GRID1: variants seen among roughly 807,000 people sequenced by gnomAD.
GRID1 encodes the protein glutamate ionotropic receptor delta type subunit 1, also known as glutamate receptor ionotropic, delta-1.
A neutral mutation model predicts 98.0 loss-of-function variants in GRID1; 28 were observed. The observed-to-expected ratio is 0.29, with a 90% confidence interval of 0.21 to 0.39. GRID1 has a LOEUF of 0.39. GRID1 is among the 10% of genes least tolerant of loss of function. The probability of loss-of-function intolerance (pLI) is 1.00; values close to 1 mark genes in which losing one functional copy is unlikely to be tolerated. For missense variants in GRID1, 1,111 were observed against 1,340.5 expected (o/e 0.83, Z 2.67); for synonymous variants, 553 against 538.5 (o/e 1.03, Z -0.37).
intron 4 of GRID1, among the ~76,000 whole-genome samples, chr10:86,118,052 C>G (rs745446810): frequency 1.2e-4 from 19 of 152,056 alleles, no homozygotes; most frequent in Non-Finnish European, 2.2e-4. Flanking sequence ...TGGAACCAGC[C>G]CAAATGCCCA....
intron 2 of GRID1, among the ~76,000 whole-genome samples, chr10:86,258,900 T>C (rs1484338079): frequency 6.6e-6 from 1 of 152,232 alleles, no homozygotes; most frequent in Non-Finnish European, 1.5e-5. Context: ...AAACTGATCA[T>C]AGCTGATCAT....
chr10:86,252,685 A>G (rs1025915863), intron 2 of GRID1, among the ~76,000 whole-genome samples: 1 of 152,188 alleles, frequency 6.6e-6, no homozygotes, highest in African/African-American at 2.4e-5. Context: ...AAGTGACACC[A>G]TCTGATGCCT....
intron 4 of GRID1, among the ~76,000 whole-genome samples, chr10:86,009,275 A>G (rs1842899109): frequency 6.6e-6 from 1 of 152,150 alleles, no homozygotes; most frequent in South Asian, 2.1e-4. Flanking sequence ...CCCTCTTGAC[A>G]TTTCTCAACT....
intron 8 of GRID1, among the ~76,000 whole-genome samples, chr10:85,775,244 C>T (rs1049184326): frequency 2.7e-5 from 4 of 147,754 alleles, no homozygotes; most frequent in African/African-American, 1.0e-4. Context: ...CCAAACACCA[C>T]ATATTCTCAC....
At chr10:85,840,529 A>G (rs1842952204) in intron 8 of GRID1, among the ~76,000 whole-genome samples, 1 of 152,152 alleles carries the variant, frequency 6.6e-6, no homozygotes, top group African/African-American at 2.4e-5. Flanking sequence ...TCCAAATAGG[A>G]GGAGGAGAAG....
At chr10:85,957,188 A>T (rs1403121808) in intron 4 of GRID1, among the ~76,000 whole-genome samples, 1 of 152,186 alleles carries the variant, frequency 6.6e-6, no homozygotes, top group Non-Finnish European at 1.5e-5. Flanking sequence ...TTCGGATTAC[A>T]ATTCAAGATG....
chr10:85,971,679 A>G (rs1238504290), intron 4 of GRID1, among the ~76,000 whole-genome samples: 1 of 152,172 alleles, frequency 6.6e-6, no homozygotes, highest in African/African-American at 2.4e-5. Flanking sequence ...TGAAATTAAA[A>G]AGACTACCAA....
intron 4 of GRID1, among the ~76,000 whole-genome samples, chr10:85,918,477 G>C (rs1841651647): frequency 6.6e-6 from 1 of 152,184 alleles, no homozygotes; most frequent in Non-Finnish European, 1.5e-5. Context: ...TGTGGGAGGA[G>C]TTTGTTCCAC....
intron 12 of GRID1, among the ~76,000 whole-genome samples, chr10:85,664,543 T>C (rs567381658): frequency 1.3e-5 from 2 of 152,302 alleles, no homozygotes; most frequent in African/African-American, 4.8e-5. Flanking sequence ...GAGGAAGCAT[T>C]GTCAACGTAC....
intron 4 of GRID1, among the ~76,000 whole-genome samples, chr10:86,009,342 T>C (rs1397490744): frequency 3.9e-5 from 6 of 152,162 alleles, no homozygotes; most frequent in Non-Finnish European, 8.8e-5. Flanking sequence ...AATTGGGATT[T>C]AAATGGCAGA....
chr10:86,283,528 GAC>G (rs367710953), intron 2 of GRID1, among the ~76,000 whole-genome samples: 5 of 148,382 alleles, frequency 3.4e-5, no homozygotes, highest in East Asian at 2.0e-4. Flanking sequence ...TTGCCCACAT[GAC>G]ACACACACAC....
chr10:86,066,793 C>T (rs1039365325), intron 4 of GRID1, among the ~76,000 whole-genome samples: 1 of 152,244 alleles, frequency 6.6e-6, no homozygotes, highest in African/African-American at 2.4e-5. Context: ...ACCTCCTCCC[C>T]TTTAAGGAAA....
intron 8 of GRID1, among the ~76,000 whole-genome samples, chr10:85,778,418 A>G (rs1842351801): frequency 6.6e-6 from 1 of 152,182 alleles, no homozygotes; most frequent in Admixed American, 6.5e-5. Flanking sequence ...CTCCAGGGCT[A>G]GGTTGTCAGG....
chr10:85,822,529 C>A (rs1281084775), intron 8 of GRID1, among the ~76,000 whole-genome samples: 1 of 152,140 alleles, frequency 6.6e-6, no homozygotes, highest in Non-Finnish European at 1.5e-5. Context: ...ATTAAAAAGT[C>A]AGGAAACAAC....
intron 8 of GRID1, among the ~76,000 whole-genome samples, chr10:85,772,491 A>C (rs1017056462): frequency 3.3e-5 from 5 of 151,860 alleles, no homozygotes; most frequent in Admixed American, 6.6e-5. Flanking sequence ...ACTGAAGGAA[A>C]TAGAGACACA....
At chr10:86,130,490 G>C (rs1190378357) in intron 4 of GRID1, among the ~76,000 whole-genome samples, 1 of 152,248 alleles carries the variant, frequency 6.6e-6, no homozygotes, top group Non-Finnish European at 1.5e-5. Flanking sequence ...CAGAAGGGCA[G>C]AGGAACAGAA....
chr10:86,188,099 G>C (rs1418488385), intron 3 of GRID1, among the ~76,000 whole-genome samples: 1 of 152,246 alleles, frequency 6.6e-6, no homozygotes, highest in Non-Finnish European at 1.5e-5. Flanking sequence ...CACACATGGT[G>C]AAGTGAATAG....
intron 4 of GRID1, among the ~76,000 whole-genome samples, chr10:86,075,754 C>T (rs1017523380): frequency 1.6e-4 from 24 of 152,204 alleles, no homozygotes; most frequent in African/African-American, 4.6e-4. Flanking sequence ...TCAGAGAACA[C>T]GCAGAGGACC....
chr10:86,224,223 G>T (rs1846305630), intron 2 of GRID1, among the ~76,000 whole-genome samples: 1 of 149,464 alleles, frequency 6.7e-6, no homozygotes, highest in South Asian at 2.3e-4. Flanking sequence ...ATCTGCTTAA[G>T]TCACAACAGC....
Sources: allele counts gnomAD v4.1 joint callset (sites outside exome capture counted in the v4.1 genomes callset), GRCh38; gene constraint gnomAD v4.1.1; transcripts MANE v1.5; gene names NCBI Gene and HGNC (gene_info 2026-07-23, HGNC 2026-07-21).